ZFAND3: variants seen among roughly 807,000 people sequenced by gnomAD.
The protein encoded by ZFAND3 is zinc finger AN1-type containing 3.
ZFAND3 carries 10 observed loss-of-function variants against 29.6 expected under a neutral mutation model. The ratio of observed to expected loss-of-function variants is 0.34; its 90% CI spans 0.21 to 0.57. The LOEUF (loss-of-function observed/expected upper bound fraction) is 0.57, where lower values mean the gene tolerates loss of function less well. ZFAND3 is among the 20% of genes least tolerant of loss of function. The pLI is 0.86. For synonymous variants in ZFAND3, 128 were observed against 112.6 expected (o/e 1.14, Z -0.87); for missense variants, 230 against 304.5 (o/e 0.76, Z 1.82).
chr6:38,076,777 A>G (rs1313510032), intron 3 of ZFAND3, among the ~76,000 whole-genome samples: 1 of 152,208 alleles, frequency 6.6e-6, no homozygotes, highest in African/African-American at 2.4e-5. Flanking sequence ...TTTCAAACTC[A>G]ATTATATAGA....
chr6:37,857,226 T>C (rs1389321210), intron 1 of ZFAND3, among the ~76,000 whole-genome samples: 3 of 152,196 alleles, frequency 2.0e-5, no homozygotes, highest in Admixed American at 1.3e-4. Context: ...CGTTCAGATA[T>C]GCTTTATAAT....
intron 5 of ZFAND3, 68 bp downstream of exon 5, chr6:38,116,807 T>G (rs1765427450): frequency 1.3e-6 from 2 of 1,549,104 alleles, no homozygotes; most frequent in South Asian, 2.4e-5. Flanking sequence ...TTTGGAAATT[T>G]AAGTGGCTGA....
intron 1 of ZFAND3, among the ~76,000 whole-genome samples, chr6:37,857,858 A>AACTT (rs1284950997): frequency 2.0e-5 from 3 of 152,136 alleles, no homozygotes; most frequent in Non-Finnish European, 4.4e-5. Context: ...ATGTCTAGAG[A>AACTT]ACTTGGTCAG....
chr6:37,954,351 G>C (rs1383683459), intron 2 of ZFAND3, among the ~76,000 whole-genome samples: 1 of 152,044 alleles, frequency 6.6e-6, no homozygotes, highest in Non-Finnish European at 1.5e-5. Context: ...TTATCCCACA[G>C]CTAACTGATG....
At chr6:37,849,725 A>G (rs1394792673) in intron 1 of ZFAND3, among the ~76,000 whole-genome samples, 2 of 152,086 alleles carry the variant, frequency 1.3e-5, no homozygotes, top group Admixed American at 1.3e-4. Flanking sequence ...TTTTGTTTAA[A>G]ACTTCACTCC....
Position 38,083,052 on chromosome 6 carries a change from C to T in ZFAND3, c.361+595C>T, listed in dbSNP as rs558511046. ...CGCCTGTAGCTTAATTTATTTTAAG[C>T]GATATTTGCCTTTTCTAATAATGCT... On this transcript the variant is annotated intron_variant, in intron 4 of 5. Transcript: ENST00000287218. 5.9e-5 allele frequency among the ~76,000 whole-genome samples: 9 copies of T among 152,154 alleles called. No homozygotes were observed. In the South Asian group the frequency reaches 1.5e-3, roughly 25 times the overall value.
At chr6:38,061,441 G>C (rs1051262574) in intron 2 of ZFAND3, 152 bp from the exon 3 acceptor site, 2 of 903,918 alleles carry the variant, frequency 2.2e-6, no homozygotes, top group African/African-American at 3.4e-5. Context: ...AAACGTTTTT[G>C]ACCAGTGTTT....
At chr6:37,921,583 T>A (rs1269146239) in intron 1 of ZFAND3, among the ~76,000 whole-genome samples, 1 of 152,058 alleles carries the variant, frequency 6.6e-6, no homozygotes, top group Non-Finnish European at 1.5e-5. Context: ...TATTATAAGA[T>A]GTTTCCAGAA....
At chr6:38,091,795 A>C (rs1375043057) in intron 4 of ZFAND3, among the ~76,000 whole-genome samples, 1 of 151,826 alleles carries the variant, frequency 6.6e-6, no homozygotes, top group Non-Finnish European at 1.5e-5. Context: ...TGGGTGCCGA[A>C]GTGGAACAGA....
chr6:37,881,494 C>T (rs995813922), intron 1 of ZFAND3, among the ~76,000 whole-genome samples: 6 of 152,108 alleles, frequency 3.9e-5, no homozygotes, highest in African/African-American at 1.2e-4. Context: ...TCTGCTTAGG[C>T]CAGCAGGAGG....
At chr6:38,091,643 A>G (rs1276902874) in intron 4 of ZFAND3, among the ~76,000 whole-genome samples, 1 of 151,304 alleles carries the variant, frequency 6.6e-6, no homozygotes, top group Non-Finnish European at 1.5e-5. Context: ...CCACAAAGCA[A>G]CATTATAAAT....
chr6:38,003,744 G>A, intron 2 of ZFAND3: 1 of 436,020 alleles, frequency 2.3e-6, no homozygotes, highest in Non-Finnish European at 4.6e-6. Context: ...GAGCTCAAGT[G>A]ATCCACCTGC....
At chr6:37,844,741 G>GC (rs929603880) in intron 1 of ZFAND3, among the ~76,000 whole-genome samples, 6 of 151,732 alleles carry the variant, frequency 4.0e-5, no homozygotes, top group Non-Finnish European at 8.8e-5. Context: ...TCGGCTGGGC[G>GC]CGGTGGCTTA....
At chr6:38,044,729 G>A (rs752219903) in intron 2 of ZFAND3, among the ~76,000 whole-genome samples, 13 of 152,158 alleles carry the variant, frequency 8.5e-5, no homozygotes, top group Non-Finnish European at 1.8e-4. Flanking sequence ...AGAGCTAAGC[G>A]AAATGGTAAA....
At chr6:37,979,155 C>A (rs1762538433) in intron 2 of ZFAND3, among the ~76,000 whole-genome samples, 1 of 152,148 alleles carries the variant, frequency 6.6e-6, no homozygotes, top group South Asian at 2.1e-4. Flanking sequence ...GATTTGAAAT[C>A]TTTTCTAATA....
chr6:37,914,672 C>CTTTTCTTTTTTTTT (rs1554157846), intron 1 of ZFAND3, among the ~76,000 whole-genome samples: 1 of 114,210 alleles, frequency 8.8e-6, no homozygotes, highest in Non-Finnish European at 1.8e-5. Context: ...CTTTTTTTTT[C>CTTTTCTTTTTTTTT]TTTTTTTTTT....
intron 1 of ZFAND3, among the ~76,000 whole-genome samples, chr6:37,840,173 G>T (rs1200713283): frequency 6.6e-6 from 1 of 151,516 alleles, no homozygotes; most frequent in East Asian, 1.9e-4. Context: ...TCTCGGCTCA[G>T]TGCAACCTCT....
chr6:37,844,920 A>T (rs147912869), intron 1 of ZFAND3, among the ~76,000 whole-genome samples: 116 of 150,196 alleles, frequency 7.7e-4, no homozygotes, highest in Non-Finnish European at 1.2e-3. Flanking sequence ...GCTACATGGG[A>T]GGCTGAGGCA....
chr6:38,000,271 C>G (rs1762923014), intron 2 of ZFAND3, among the ~76,000 whole-genome samples: 2 of 152,152 alleles, frequency 1.3e-5, no homozygotes, highest in African/African-American at 4.8e-5. Flanking sequence ...ATAAATTCTT[C>G]TCATCTAATT....
Sources: allele counts gnomAD v4.1 joint callset (sites outside exome capture counted in the v4.1 genomes callset), GRCh38; gene constraint gnomAD v4.1.1; transcripts MANE v1.5; gene names NCBI Gene and HGNC (gene_info 2026-07-23, HGNC 2026-07-21).